The following CDH13 variants were observed in gnomAD, a reference collection of about 807,000 sequenced individuals.
CDH13 encodes the protein cadherin-13.
A neutral mutation model predicts 63.8 loss-of-function variants in CDH13; 24 were observed. The observed-to-expected ratio is 0.38, with a 90% confidence interval of 0.27 to 0.53. CDH13 has a LOEUF of 0.53. Ranked by LOEUF, CDH13 falls within the 20% of genes least tolerant of loss-of-function variation. The probability of loss-of-function intolerance (pLI) is 0.85; values close to 1 mark genes in which losing one functional copy is unlikely to be tolerated. For missense variants in CDH13, 1,049 were observed against 903.1 expected (o/e 1.16, Z -2.07); for synonymous variants, 503 against 355.3 (o/e 1.42, Z -4.67).
chr16:83,078,977 TA>T (rs2033045936), intron 3 of CDH13, among the ~76,000 whole-genome samples: 1 of 152,122 alleles, frequency 6.6e-6, no homozygotes, highest in Admixed American at 6.5e-5. Context: ...GTATATTTAG[TA>T]GAGACGGGGT....
chr16:83,588,079 T>C (rs899755875), intron 7 of CDH13, among the ~76,000 whole-genome samples: 1 of 152,166 alleles, frequency 6.6e-6, no homozygotes, highest in Non-Finnish European at 1.5e-5. Flanking sequence ...AGCCTGGGGC[T>C]GGGACCAGCC....
chr16:83,581,531 A>G (rs1905597667), intron 7 of CDH13, among the ~76,000 whole-genome samples: 1 of 152,146 alleles, frequency 6.6e-6, no homozygotes, highest in Non-Finnish European at 1.5e-5. Context: ...TTTAAAACAG[A>G]GCCTTGGCCA....
intron 6 of CDH13, among the ~76,000 whole-genome samples, chr16:83,475,505 G>A (rs1408931841): frequency 1.3e-5 from 2 of 152,296 alleles, no homozygotes; most frequent in East Asian, 3.9e-4. Flanking sequence ...AACTTTATGT[G>A]CTAAGCCACT....
chr16:82,671,560 T>C (rs1290579797), intron 1 of CDH13, among the ~76,000 whole-genome samples: 1 of 152,250 alleles, frequency 6.6e-6, no homozygotes, highest in African/African-American at 2.4e-5. Context: ...ACAAATTTAC[T>C]AACCTAGTCT....
chr16:83,553,536 A>C (rs2075548037), intron 7 of CDH13, among the ~76,000 whole-genome samples: 1 of 152,152 alleles, frequency 6.6e-6, no homozygotes, highest in Non-Finnish European at 1.5e-5. Context: ...GTAGGAATCA[A>C]AGTGATGGGT....
intron 3 of CDH13, among the ~76,000 whole-genome samples, chr16:83,112,234 C>A (rs1420601273): frequency 6.6e-6 from 1 of 152,210 alleles, no homozygotes; most frequent in Admixed American, 6.5e-5. Context: ...TCAGTTAGGG[C>A]AGGCTAATTA....
At chr16:83,744,695 C>G (rs8058487) in intron 10 of CDH13, among the ~76,000 whole-genome samples, 57,376 of 152,128 alleles carry the variant, frequency 0.38, 11,513 homozygotes, top group Middle Eastern at 0.5. Context: ...TGCAACGGCT[C>G]CCCCGAGGGC....
In CDH13 at chr16:82,867,487, A is replaced by C. The variant is rs578144194; in HGVS notation, c.157+9014A>C. Among the ~76,000 whole-genome samples the C allele has an allele frequency of 4.6e-5, 7 of 152,042 alleles. No individual in the cohort carries two copies. In the South Asian group the frequency reaches 1.5e-3, roughly 32 times the overall value. On this transcript the variant is annotated intron_variant, in intron 2 of 13. Transcript: ENST00000567109. ...AGGGCCAGATTGTCCATGACCCTTA[A>C]CTCTCAGCTTTCCACCCTCTCTGTT...
intron 2 of CDH13, chr16:82,954,240 G>T (rs1486656685): frequency 6.6e-6 from 1 of 152,088 alleles, no homozygotes; most frequent in African/African-American, 2.4e-5. Flanking sequence ...TTGCTCTTCC[G>T]ACTCCTGTTT....
chr16:83,161,134 G>A (rs72800242), intron 4 of CDH13, among the ~76,000 whole-genome samples: 1 of 151,974 alleles, frequency 6.6e-6, no homozygotes, highest in Non-Finnish European at 1.5e-5. Context: ...GATATCATTT[G>A]TTCCACGTGA....
chr16:83,363,179 A>G (rs920988008), intron 6 of CDH13, among the ~76,000 whole-genome samples: 2 of 152,232 alleles, frequency 1.3e-5, no homozygotes, highest in African/African-American at 2.4e-5. Context: ...AGCAATCAGC[A>G]CAGCTTAAAC....
At chr16:83,621,225 C>G (rs1166062094) in intron 8 of CDH13, among the ~76,000 whole-genome samples, 1 of 152,188 alleles carries the variant, frequency 6.6e-6, no homozygotes, top group Non-Finnish European at 1.5e-5. Flanking sequence ...GTAGAGCCCA[C>G]TATTCAGGCA....
chr16:83,687,411 A>G (rs972376683), intron 10 of CDH13, among the ~76,000 whole-genome samples: 1 of 152,136 alleles, frequency 6.6e-6, no homozygotes, highest in Non-Finnish European at 1.5e-5. Flanking sequence ...ACAAACAGGG[A>G]GCCAGCACTT....
chr16:82,845,094 C>G (rs2039202968), intron 1 of CDH13, among the ~76,000 whole-genome samples: 1 of 151,980 alleles, frequency 6.6e-6, no homozygotes, highest in South Asian at 2.1e-4. Context: ...GGAGGTGATC[C>G]AGGAAGCAGG....
At chr16:83,453,135 TTGTGTGTTCTCATC>T (rs2072927797) in intron 6 of CDH13, among the ~76,000 whole-genome samples, 1 of 152,306 alleles carries the variant, frequency 6.6e-6, no homozygotes, top group South Asian at 2.1e-4. Context: ...AAACCAAACA[TTGTGTGTTCTCATC>T]TGTGGGAACT....
chr16:83,760,089 A>C (rs1332355860), intron 11 of CDH13, among the ~76,000 whole-genome samples: 2 of 152,242 alleles, frequency 1.3e-5, no homozygotes, highest in Non-Finnish European at 2.9e-5. Flanking sequence ...TAATTAAATA[A>C]AGATATATAC....
chr16:83,692,731 C>T (rs930612167), intron 10 of CDH13, among the ~76,000 whole-genome samples: 1 of 152,168 alleles, frequency 6.6e-6, no homozygotes, highest in African/African-American at 2.4e-5. Flanking sequence ...CTAGAAACTA[C>T]CCCAGAGCAG....
chr16:83,182,630 C>G (rs1218148005), intron 4 of CDH13, among the ~76,000 whole-genome samples: 1 of 152,222 alleles, frequency 6.6e-6, no homozygotes, highest in Non-Finnish European at 1.5e-5. Context: ...AATGTATAGT[C>G]TAAATGCTTA....
chr16:82,825,655 C>T (rs998058053), intron 1 of CDH13: 3 of 151,494 alleles, frequency 2.0e-5, no homozygotes, highest in Non-Finnish European at 4.4e-5. Flanking sequence ...AGGGAATTCT[C>T]CTGCCTCAGC....
Sources: gnomAD v4.1 joint callset for allele counts (sites outside exome capture counted in the v4.1 genomes callset) on GRCh38, gnomAD v4.1.1 for gene constraint, MANE v1.5 for transcripts, NCBI Gene and HGNC (gene_info 2026-07-23, HGNC 2026-07-21) for gene names.